PRKCE: variants seen among roughly 807,000 people sequenced by gnomAD.
PRKCE encodes protein kinase C epsilon type.
PRKCE carries 16 observed loss-of-function variants against 85.4 expected under a neutral mutation model. That is an observed-to-expected ratio of 0.19 (90% confidence interval 0.13 to 0.28). PRKCE has a LOEUF of 0.28. Among genes scored for constraint, PRKCE ranks in the 10% least tolerant of loss-of-function variants. The pLI, the probability that PRKCE is intolerant of heterozygous loss-of-function variation, is 1.00. For synonymous variants in PRKCE, 388 were observed against 371.5 expected (o/e 1.04, Z -0.51); for missense variants, 573 against 975.2 (o/e 0.59, Z 5.49).
chr2:45,720,336 C>T (rs931925919), intron 1 of PRKCE, among the ~76,000 whole-genome samples: 2 of 152,016 alleles, frequency 1.3e-5, no homozygotes, highest in African/African-American at 2.4e-5. Flanking sequence ...GGGAGGTTGG[C>T]GGGGGCGGTA....
chr2:45,661,672 G>A (rs1057463655), intron 1 of PRKCE, among the ~76,000 whole-genome samples: 3 of 147,790 alleles, frequency 2.0e-5, no homozygotes, highest in African/African-American at 7.8e-5. Flanking sequence ...GGGACTACAG[G>A]TGCCCGCCAC....
Position 45,786,816 on chromosome 2 carries a change from G to A in PRKCE, c.349-56184G>A, listed in dbSNP as rs1686634674. Among the ~76,000 whole-genome samples, 1 of 152,218 alleles carries A rather than the reference G, an allele frequency of 6.6e-6. No individual in the cohort carries two copies. The highest frequency in any genetic ancestry group is 2.4e-5 in the African/African-American group (1 of 41,466). ...ACTACCCTCACCCCCGTTTTACAGA[G>A]GTGGAAACCGAGGGTTTAGACAGCT... is the stretch of plus-strand genomic sequence containing the variant. On this transcript the variant is annotated intron_variant, in intron 1 of 14. Coordinates refer to ENST00000306156, the MANE Select transcript of PRKCE (RefSeq NM_005400.3). This position sits in a 1 kb window ranked among gnomAD's most constrained non-coding sequence, Gnocchi z 5.3.
At chr2:45,818,187 T>G (rs947714367) in intron 1 of PRKCE, among the ~76,000 whole-genome samples, 23 of 152,252 alleles carry the variant, frequency 1.5e-4, no homozygotes, top group African/African-American at 5.5e-4. Flanking sequence ...GTTCTGTTTT[T>G]GTTTTTACTT....
intron 1 of PRKCE, among the ~76,000 whole-genome samples, chr2:45,687,318 AT>A (rs1160656927): frequency 3.3e-5 from 5 of 152,242 alleles, no homozygotes; most frequent in Non-Finnish European, 7.3e-5. Context: ...TAAACAGACA[AT>A]TGACAGAAAA....
chr2:46,013,643 C>G (rs186851703), intron 10 of PRKCE, among the ~76,000 whole-genome samples: 1 of 152,286 alleles, frequency 6.6e-6, no homozygotes, highest in East Asian at 1.9e-4. Context: ...GACTCTGATA[C>G]AACATTCAGG....
intron 1 of PRKCE, among the ~76,000 whole-genome samples, chr2:45,702,048 A>G (rs1452183030): frequency 6.6e-6 from 1 of 152,098 alleles, no homozygotes; most frequent in Admixed American, 6.6e-5. Flanking sequence ...AATTAGCCGG[A>G]CTTGGTGGCA....
chr2:45,877,059 T>C (rs2105787161), intron 2 of PRKCE, among the ~76,000 whole-genome samples: 1 of 151,930 alleles, frequency 6.6e-6, no homozygotes, highest in Middle Eastern at 3.4e-3. Context: ...TTCTGGATAA[T>C]ATAACCACCT....
intron 10 of PRKCE, among the ~76,000 whole-genome samples, chr2:46,039,350 C>T (rs956832073): frequency 3.3e-5 from 5 of 152,186 alleles, no homozygotes; most frequent in Non-Finnish European, 7.3e-5. Flanking sequence ...AGCTTGGAAG[C>T]CAGCTGTCAG....
chr2:45,937,044 G>A (rs536369095), intron 2 of PRKCE, among the ~76,000 whole-genome samples: 1 of 152,288 alleles, frequency 6.6e-6, no homozygotes, highest in African/African-American at 2.4e-5. Flanking sequence ...TGGACCTTTT[G>A]TGGGCTCCTG....
intron 10 of PRKCE, among the ~76,000 whole-genome samples, chr2:46,035,655 C>T (rs1707812940): frequency 6.6e-6 from 1 of 152,114 alleles, no homozygotes; most frequent in Non-Finnish European, 1.5e-5. Flanking sequence ...CATATATGTG[C>T]GTGTGTATAT....
intron 10 of PRKCE, among the ~76,000 whole-genome samples, chr2:46,039,512 GT>G (rs1486448154): frequency 1.3e-5 from 2 of 151,978 alleles, no homozygotes; most frequent in African/African-American, 2.4e-5. Context: ...TATTCGTGGG[GT>G]TTTTTTGTTG....
At position 45,924,403 on chromosome 2, in the gene PRKCE, T is replaced by C. The variant is rs116816694; in HGVS notation, c.413-52026T>C. 6.0e-3 allele frequency among the ~76,000 whole-genome samples: 914 copies of C among 152,320 alleles called. 15 individuals carry two copies. Among genetic ancestry groups the C allele is most frequent in the African/African-American group, 0.021 (888 of 41,560 alleles). On this transcript the variant is annotated intron_variant, in intron 2 of 14. Transcript: ENST00000306156. ...AAATGAAGGATGGAGGCAGAGGAGA[T>C]GTTAAGGAAACAATGATTGTTGGGA...
intron 1 of PRKCE, among the ~76,000 whole-genome samples, chr2:45,841,249 G>A (rs577882175): frequency 3.3e-4 from 50 of 152,200 alleles, no homozygotes; most frequent in Non-Finnish European, 6.0e-4. Context: ...ATCACAAGGT[G>A]AAGTCCCACA....
At chr2:46,032,087 G>A (rs1371364901) in intron 10 of PRKCE, among the ~76,000 whole-genome samples, 6 of 152,160 alleles carry the variant, frequency 3.9e-5, no homozygotes, top group South Asian at 2.1e-4. Flanking sequence ...GAAGACTGCC[G>A]CAAGAATTTA....
At chr2:46,171,772 C>G (rs1285524865) in intron 14 of PRKCE, among the ~76,000 whole-genome samples, 1 of 152,092 alleles carries the variant, frequency 6.6e-6, no homozygotes, top group Non-Finnish European at 1.5e-5. Flanking sequence ...TGTTTTCCTC[C>G]TAAAGAAGCT....
At chr2:45,672,064 CAAA>C (rs3068989) in intron 1 of PRKCE, among the ~76,000 whole-genome samples, 35 of 95,330 alleles carry the variant, frequency 3.7e-4, no homozygotes, top group East Asian at 6.3e-4. Flanking sequence ...CCCCCTGTCT[CAAA>C]AAAAAAAAAA....
At chr2:45,778,507 G>A (rs4953256) in intron 1 of PRKCE, among the ~76,000 whole-genome samples, 1 of 151,960 alleles carries the variant, frequency 6.6e-6, no homozygotes, top group Non-Finnish European at 1.5e-5. Flanking sequence ...CTGGTGTTCC[G>A]CCTTTGAGAT....
chr2:45,837,408 C>T (rs1690971020), intron 1 of PRKCE, among the ~76,000 whole-genome samples: 1 of 152,200 alleles, frequency 6.6e-6, no homozygotes, highest in African/African-American at 2.4e-5. Flanking sequence ...AGGTGCATGC[C>T]TCCACACCCA....
chr2:45,722,011 G>T (rs1680664537), intron 1 of PRKCE, among the ~76,000 whole-genome samples: 1 of 151,746 alleles, frequency 6.6e-6, no homozygotes, highest in Middle Eastern at 3.4e-3. Flanking sequence ...AATTATTAAA[G>T]ATTCCAGAGA....
Sources: gnomAD v4.1 joint callset for allele counts (sites outside exome capture counted in the v4.1 genomes callset) on GRCh38, gnomAD v4.1.1 for gene constraint, Gnocchi (gnomAD v3.1) non-coding constraint, MANE v1.5 for transcripts, NCBI Gene and HGNC (gene_info 2026-07-23, HGNC 2026-07-21) for gene names.